The following CNOT10 variants were observed in gnomAD, a reference collection of about 807,000 sequenced individuals.
CNOT10 encodes CCR4-NOT transcription complex, subunit 10.
CNOT10 carries 30 observed loss-of-function variants against 94.6 expected under a neutral mutation model. The observed-to-expected ratio is 0.32, with a 90% CI of 0.24 to 0.43. The LOEUF (loss-of-function observed/expected upper bound fraction) is 0.43, where lower values mean the gene tolerates loss of function less well. Among genes scored for constraint, CNOT10 ranks in the 20% least tolerant of loss-of-function variants. CNOT10 has a pLI of 1.00. For missense variants in CNOT10, 759 were observed against 877.2 expected (o/e 0.87, Z 1.70); for synonymous variants, 289 against 301.6 (o/e 0.96, Z 0.43).
chr3:32,737,305 C>T (rs1575265889), intron 12 of CNOT10, 105 bp from the exon 13 acceptor site: 9 of 696,512 alleles, frequency 1.3e-5, no homozygotes, highest in Non-Finnish European at 2.2e-5. Flanking sequence ...ACGAGCAAAA[C>T]TCTGTCTCAA....
intron 18 of CNOT10, among the ~76,000 whole-genome samples, chr3:32,770,627 G>A (rs1196752973): frequency 1.3e-5 from 2 of 151,366 alleles, no homozygotes; most frequent in Non-Finnish European, 3.0e-5. Context: ...ACCCGGCAAG[G>A]CTGAGATTTT....
chr3:32,724,784 C>G (rs913220405), intron 8 of CNOT10, among the ~76,000 whole-genome samples: 3 of 152,006 alleles, frequency 2.0e-5, no homozygotes. Context: ...GTCTCGAACT[C>G]CTGACCTCAA....
chr3:32,757,170 ATTTTTTT>A (rs1173513009), intron 13 of CNOT10, among the ~76,000 whole-genome samples: 10 of 78,298 alleles, frequency 1.3e-4, no homozygotes, highest in Non-Finnish European at 1.7e-4. Context: ...CCCTGAACTA[ATTTTTTT>A]TTTTTTTTTT....
chr3:32,695,940 G>T, intron 1 of CNOT10: 4 of 738,494 alleles, frequency 5.4e-6, no homozygotes, highest in Non-Finnish European at 2.1e-6. Context: ...AAATACACAA[G>T]GAAAATAAAA....
chr3:32,729,567 T>C (rs954501431), intron 10 of CNOT10, among the ~76,000 whole-genome samples: 44 of 152,254 alleles, frequency 2.9e-4, no homozygotes, highest in African/African-American at 1.0e-3. Flanking sequence ...CTAAGGGGAT[T>C]AAAGAAGTGT....
chr3:32,708,607 TC>T (rs1697730888), intron 3 of CNOT10, 62 bp from the exon 4 acceptor site: 1 of 1,393,878 alleles, frequency 7.2e-7, no homozygotes. Flanking sequence ...TCATATGAAT[TC>T]TTTCACTTTT....
intron 1 of CNOT10, among the ~76,000 whole-genome samples, chr3:32,694,182 C>T (rs1210755540): frequency 6.6e-6 from 1 of 151,290 alleles, no homozygotes; most frequent in African/African-American, 2.4e-5. Flanking sequence ...GTACTCTACA[C>T]TTTCAGAGAA....
At chr3:32,701,415 TAAAA>T (rs1025884011) in intron 1 of CNOT10, among the ~76,000 whole-genome samples, 11 of 152,120 alleles carry the variant, frequency 7.2e-5, no homozygotes, top group African/African-American at 2.6e-4. Context: ...TTTGAAAAAA[TAAAA>T]AACCAAAAAA....
intron 7 of CNOT10, 44 bp from the exon 8 acceptor site, chr3:32,720,070 C>T (rs192970241): frequency 3.2e-5 from 30 of 944,292 alleles, no homozygotes; most frequent in Non-Finnish European, 3.7e-5. Flanking sequence ...TTACATTAGG[C>T]GTCTGAAAAC....
chr3:32,765,008 C>G (rs1313443621), intron 17 of CNOT10, 199 bp downstream of exon 17: 1 of 1,504,084 alleles, frequency 6.6e-7, no homozygotes, highest in African/African-American at 1.4e-5. Flanking sequence ...AAGGAAAGTT[C>G]TTCTTGATGA....
At chr3:32,727,944 A>C in intron 10 of CNOT10, 74 bp downstream of exon 10, 2 of 1,068,946 alleles carry the variant, frequency 1.9e-6, no homozygotes, top group South Asian at 1.5e-5. Context: ...AAAAAAAAAA[A>C]AAAAACCTTG....
intron 13 of CNOT10, among the ~76,000 whole-genome samples, chr3:32,756,101 G>A (rs759081648): frequency 4.6e-5 from 7 of 152,114 alleles, no homozygotes; most frequent in Admixed American, 1.3e-4. Flanking sequence ...TGCAGAGTGC[G>A]GTGTTTTCTA....
At chr3:32,715,724 G>A (rs1189856981) in intron 5 of CNOT10, among the ~76,000 whole-genome samples, 4 of 152,104 alleles carry the variant, frequency 2.6e-5, no homozygotes, top group South Asian at 2.1e-4. Context: ...TATTACGTTC[G>A]ACTGTGAGCT....
intron 3 of CNOT10, 130 bp downstream of exon 3, chr3:32,705,102 T>C (rs184537284): frequency 1.5e-6 from 1 of 670,938 alleles, no homozygotes; most frequent in Admixed American, 3.9e-5. Flanking sequence ...AGCATTAATT[T>C]TATTTCCGTA....
At chr3:32,732,965 T>C (rs1699024670) in intron 10 of CNOT10, among the ~76,000 whole-genome samples, 2 of 152,230 alleles carry the variant, frequency 1.3e-5, no homozygotes, top group Non-Finnish European at 2.9e-5. Context: ...TATTAAAGTT[T>C]ATATATTGTT....
Position 32,687,439 on chromosome 3 carries a change from G to GTTTTTTTTTTTTT in CNOT10, c.22+1969_22+1970insTTTTTTTTTTTTT, listed in dbSNP as rs201119069. 1.4e-3 allele frequency among the ~76,000 whole-genome samples: 74 copies of GTTTTTTTTTTTTT among 51,308 alleles called. 8 individuals carry two copies. Among genetic ancestry groups the GTTTTTTTTTTTTT allele is most frequent in the Admixed American group, 2.5e-3 (7 of 2,834 alleles). The allele number at this position is 51,308 out of a possible 152,430, so 33.7% of individuals were successfully genotyped here. On this transcript the variant is annotated intron_variant, in intron 1 of 18. Coordinates refer to ENST00000328834, the MANE Select transcript of CNOT10 (RefSeq NM_015442.3). ...TTCTTTCTCCTTTTAAGTCCTCACG[G>GTTTTTTTTTTTTT]TTTTTTTTTTTTGTTTTTTTTTTTT...
chr3:32,747,935 A>G (rs932029861), intron 13 of CNOT10, among the ~76,000 whole-genome samples: 3 of 152,044 alleles, frequency 2.0e-5, no homozygotes, highest in Admixed American at 2.0e-4. Flanking sequence ...CGACAGAGCA[A>G]GACTCCGTCC....
chr3:32,754,515 T>A (rs1481945283), intron 13 of CNOT10, among the ~76,000 whole-genome samples: 5 of 109,996 alleles, frequency 4.5e-5, no homozygotes, highest in African/African-American at 1.6e-4. Context: ...TATATTTATT[T>A]TACTTTTTTT....
chr3:32,702,360 T>C (rs1575212175), intron 1 of CNOT10, among the ~76,000 whole-genome samples: 1 of 109,298 alleles, frequency 9.1e-6, no homozygotes, highest in Non-Finnish European at 2.2e-5. Flanking sequence ...TCAGCTGAGA[T>C]TTTTACCTTT....
Sources: allele counts gnomAD v4.1 joint callset (sites outside exome capture counted in the v4.1 genomes callset), GRCh38; gene constraint gnomAD v4.1.1; transcripts MANE v1.5; gene names NCBI Gene and HGNC (gene_info 2026-07-23, HGNC 2026-07-21).